Variants in BET1 observed in about 807,000 individuals in gnomAD.
BET1 encodes the protein Bet1 golgi vesicular membrane trafficking protein, also known as BET1 homolog.
In BET1, 9 loss-of-function variants were observed where a neutral mutation model predicts 13.9. The ratio of observed to expected loss-of-function variants is 0.65; its 90% CI spans 0.39 to 1.13. The LOEUF is 1.13. BET1 is among the 50% of genes most tolerant of loss of function. The probability of loss-of-function intolerance (pLI) is 0.01; values close to 1 mark genes in which losing one functional copy is unlikely to be tolerated. For synonymous variants in BET1, 39 were observed against 47.3 expected (o/e 0.82, Z 0.72); for missense variants, 127 against 133.6 (o/e 0.95, Z 0.24).
chr7:93,983,366 T>C (rs970612628), intron 4 of BET1, among the ~76,000 whole-genome samples: 1 of 152,194 alleles, frequency 6.6e-6, no homozygotes, highest in Non-Finnish European at 1.5e-5. Context: ...CACCTCAATA[T>C]ATTGAATTCC....
At chr7:93,984,770 A>G (rs962008228) in intron 4 of BET1, among the ~76,000 whole-genome samples, 1 of 152,192 alleles carries the variant, frequency 6.6e-6, no homozygotes, top group Non-Finnish European at 1.5e-5. Flanking sequence ...GTCTTCAAAG[A>G]AAATTCAGAT....
exon 6 of BET1, chr7:93,972,612 G>T (rs1450597902): frequency 1.3e-5 from 2 of 151,794 alleles, no homozygotes; most frequent in Non-Finnish European, 2.9e-5. Context: ...GCCAAGAAGA[G>T]ACTTTTCAGA....
intron 1 of BET1, 82 bp from the exon 2 acceptor site, chr7:93,999,376 CCCTGGAGGG>C: frequency 4.0e-6 from 6 of 1,504,616 alleles, no homozygotes; most frequent in Non-Finnish European, 5.3e-6. Flanking sequence ...TGAAAAAGAC[CCCTGGAGGG>C]CCTTGCAAAC....
At chr7:93,977,175 G>C (rs948323533) in intron 4 of BET1, among the ~76,000 whole-genome samples, 2 of 152,112 alleles carry the variant, frequency 1.3e-5, no homozygotes, top group African/African-American at 4.8e-5. Context: ...AAAGATGTTG[G>C]AGGGGCTGGG....
intron 2 of BET1, among the ~76,000 whole-genome samples, chr7:93,998,117 CAA>C (rs1462252694): frequency 6.6e-6 from 1 of 152,016 alleles, no homozygotes; most frequent in Non-Finnish European, 1.5e-5. Flanking sequence ...ACAGAGGACA[CAA>C]AGTGTAATTT....
rs1389295819 is a variant in BET1, at chr7:93,993,434, G to A, written c.*796C>T. 3.1e-6 allele frequency: 3 copies of A among 983,572 alleles called. No individual in the cohort carries two copies. Among genetic ancestry groups the A allele is most frequent in the South Asian group, 4.7e-5 (1 of 21,260 alleles). The allele number at this position is 983,572 out of a possible 1,614,324, so 60.9% of individuals were successfully genotyped here. On this transcript the variant is annotated 3_prime_UTR_variant, in exon 4 of 4. Coordinates refer to ENST00000222547, the MANE Select transcript of BET1 (RefSeq NM_005868.6). ...TCTTATCTTCAAGTTCAATGCCTGA[G>A]TTTCTTGCATACTATTTCCATTTAA...
At chr7:93,973,912 A>T (rs1057139254) in intron 5 of BET1, among the ~76,000 whole-genome samples, 2 of 152,070 alleles carry the variant, frequency 1.3e-5, no homozygotes, top group Non-Finnish European at 1.5e-5. Flanking sequence ...CTTATTTTGG[A>T]AAACAATATT....
downstream of BET1, chr7:93,992,080 C>T (rs967403760): frequency 7.1e-6 from 7 of 985,288 alleles, no homozygotes; most frequent in South Asian, 9.4e-5. Context: ...GGTTGGGCAG[C>T]GACATGCCAG....
chr7:94,002,801 A>G (rs2116153445), intron 1 of BET1, among the ~76,000 whole-genome samples: 1 of 152,284 alleles, frequency 6.6e-6, no homozygotes, highest in East Asian at 1.9e-4. Flanking sequence ...ACTTCTTTTG[A>G]GTTCCTCCTA....
At chr7:93,969,803 A>T (rs1795230636) in intron 6 of BET1, 1 of 151,752 alleles carries the variant, frequency 6.6e-6, no homozygotes, top group Non-Finnish European at 1.5e-5. Flanking sequence ...TGATTCTTCA[A>T]GATTCTGGAA....
intron 4 of BET1, among the ~76,000 whole-genome samples, chr7:93,985,506 A>G (rs1308665528): frequency 6.6e-6 from 1 of 152,184 alleles, no homozygotes; most frequent in African/African-American, 2.4e-5. Context: ...TAACAGAATA[A>G]TTCAAACTAA....
exon 7 of BET1, chr7:93,965,549 T>G (rs1287299240): frequency 6.6e-6 from 1 of 152,060 alleles, no homozygotes; most frequent in Non-Finnish European, 1.5e-5. Flanking sequence ...GGGCTAGAAG[T>G]GTTGGAAATA....
chr7:93,990,515 C>T (rs894830628), downstream of BET1, among the ~76,000 whole-genome samples: 2 of 152,008 alleles, frequency 1.3e-5, no homozygotes. Context: ...AAATTAATTA[C>T]AGGCATTAGA....
chr7:93,992,057 C>A, downstream of BET1: 4 of 985,364 alleles, frequency 4.1e-6, no homozygotes, highest in Non-Finnish European at 3.6e-6. Flanking sequence ...AGGGTGCTGG[C>A]AGAAGGATCC....
downstream of BET1, chr7:93,991,577 A>G (rs1391455563): frequency 6.3e-6 from 1 of 158,326 alleles, no homozygotes; most frequent in Non-Finnish European, 1.4e-5. Flanking sequence ...ATTTTTAAAT[A>G]TTTTATTTAA....
intron 6 of BET1, among the ~76,000 whole-genome samples, chr7:93,967,752 G>A (rs1455954278): frequency 6.6e-6 from 1 of 151,688 alleles, no homozygotes; most frequent in African/African-American, 2.4e-5. Flanking sequence ...ACTTCAATAA[G>A]TGTAATTCCA....
chr7:93,967,729 T>C, intron 6 of BET1, among the ~76,000 whole-genome samples: 1 of 151,824 alleles, frequency 6.6e-6, no homozygotes, highest in East Asian at 1.9e-4. Context: ...TATGATTAAG[T>C]ACTGCATTTC....
intron 1 of BET1, among the ~76,000 whole-genome samples, chr7:94,002,811 A>C (rs988532348): frequency 1.2e-4 from 18 of 152,260 alleles, no homozygotes; most frequent in African/African-American, 3.9e-4. Context: ...AGTTCCTCCT[A>C]TCTGGAACTC....
intron 2 of BET1, among the ~76,000 whole-genome samples, chr7:93,997,917 G>C (rs1221170925): frequency 1.3e-5 from 2 of 152,162 alleles, no homozygotes; most frequent in Non-Finnish European, 1.5e-5. Flanking sequence ...CTACAGAAAT[G>C]GCACAAATGG....
Sources: allele counts gnomAD v4.1 joint callset (sites outside exome capture counted in the v4.1 genomes callset), GRCh38; gene constraint gnomAD v4.1.1; transcripts MANE v1.5; gene names NCBI Gene and HGNC (gene_info 2026-07-23, HGNC 2026-07-21).